Variants in DOCK2 observed in about 807,000 individuals in gnomAD.
DOCK2 encodes dedicator of cytokinesis protein 2.
Under a neutral mutation model 248.9 loss-of-function variants are expected in DOCK2, and 87 were observed. The ratio of observed to expected loss-of-function variants is 0.35; its 90% CI spans 0.29 to 0.42. The LOEUF (loss-of-function observed/expected upper bound fraction) is 0.42, where lower values mean the gene tolerates loss of function less well. Among genes scored for constraint, DOCK2 ranks in the 10% least tolerant of loss-of-function variants. DOCK2 has a pLI of 1.00. For synonymous variants in DOCK2, 805 were observed against 821.6 expected, an observed-to-expected ratio of 0.98 and a Z score of 0.35; for missense variants, 1,747 against 2,300.2, an observed-to-expected ratio of 0.76 and a Z score of 4.92.
intron 22 of DOCK2, among the ~76,000 whole-genome samples, chr5:169,731,358 T>G (rs531927177): frequency 5.9e-5 from 9 of 152,138 alleles, no homozygotes; most frequent in Non-Finnish European, 1.0e-4. Flanking sequence ...AGTGAATGAG[T>G]CTCATGAGAT....
chr5:169,806,639 C>T (rs1767379863), intron 26 of DOCK2, among the ~76,000 whole-genome samples: 1 of 152,192 alleles, frequency 6.6e-6, no homozygotes, highest in African/African-American at 2.4e-5. Flanking sequence ...GCTTATTTTA[C>T]ATAAACTTAC....
At chr5:169,985,743 A>G in intron 28 of DOCK2, 85 bp from the exon 29 acceptor site, 2 of 1,154,318 alleles carry the variant, frequency 1.7e-6, no homozygotes, top group South Asian at 2.1e-5. Flanking sequence ...CCTCCAAAAT[A>G]TAATAGCAAA....
rs1481802907 is a variant in DOCK2 at position 169,897,489 on chromosome 5, A to G, written c.2799+56637A>G. Among the ~76,000 whole-genome samples, 6 of 152,146 alleles carry G rather than the reference A, an allele frequency of 3.9e-5. No homozygotes were observed. In the South Asian group the frequency reaches 1.0e-3, roughly 26 times the overall value. On this transcript the variant is annotated intron_variant, in intron 27 of 51. Transcript: ENST00000520908. The stretch of plus-strand genomic sequence containing the variant: ...CAAGTGTGAGCCACCGTACTCGGCC[A>G]GGAATGTGAGCTCTTTAACCAAGAG...
intron 29 of DOCK2, among the ~76,000 whole-genome samples, chr5:169,993,181 A>C (rs951254980): frequency 6.6e-6 from 1 of 152,256 alleles, no homozygotes; most frequent in African/African-American, 2.4e-5. Flanking sequence ...AGAGAACACA[A>C]AATACAATGT....
At chr5:169,962,405 G>T (rs752570984) in intron 27 of DOCK2, among the ~76,000 whole-genome samples, 1 of 152,198 alleles carries the variant, frequency 6.6e-6, no homozygotes, top group Non-Finnish European at 1.5e-5. Flanking sequence ...CGGAAAGTGG[G>T]GGAGGATGGA....
intron 34 of DOCK2, among the ~76,000 whole-genome samples, chr5:170,032,518 AC>A (rs2113835620): frequency 6.6e-6 from 1 of 152,188 alleles, no homozygotes; most frequent in South Asian, 2.1e-4. Flanking sequence ...CCAAGCTCAG[AC>A]CCCGAGATGT....
chr5:169,848,683 C>T (rs1770460127), intron 27 of DOCK2, among the ~76,000 whole-genome samples: 1 of 152,122 alleles, frequency 6.6e-6, no homozygotes, highest in African/African-American at 2.4e-5. Context: ...TTAAAATAAG[C>T]CTCTGGGTGA....
rs1199485632 is a variant in DOCK2, at chr5:169,810,987, T to TCACA, written c.2703+7782_2703+7783insACAC. On this transcript the variant is annotated intron_variant, in intron 26 of 51. Transcript: ENST00000520908. ...CACACACAGACTCTCTCTCTCTCTC[T>TCACA]CTCACACACACACACACACACACAC... Among the ~76,000 whole-genome samples, 105 of 75,970 alleles carry TCACA rather than the reference T, an allele frequency of 1.4e-3. 1 individual carries two copies. Among genetic ancestry groups the TCACA allele is most frequent in the Admixed American group, 1.7e-3 (11 of 6,542 alleles). The allele number at this position is 75,970 out of a possible 152,430, so 49.8% of individuals were successfully genotyped here.
chr5:169,895,164 CT>C (rs1244755411), intron 27 of DOCK2, among the ~76,000 whole-genome samples: 1 of 152,190 alleles, frequency 6.6e-6, no homozygotes, highest in Non-Finnish European at 1.5e-5. Flanking sequence ...ACCTGATGGG[CT>C]CACGGTGTTT....
In DOCK2 at chr5:169,913,267, A is replaced by G. The variant is rs75479599; in HGVS notation, c.2800-69801A>G. Among the ~76,000 whole-genome samples, 297 of 152,318 alleles carry G rather than the reference A, an allele frequency of 1.9e-3. 6 individuals carry two copies. The East Asian group carries it at 0.054, about 28-fold the overall frequency. On this transcript the variant is annotated intron_variant, in intron 27 of 51. Transcript: ENST00000520908. ...TCGGCTCTACTCATCCCAAGAGTAG[A>G]GATAATCTTTCTCTTTGTACAGAAA...
intron 49 of DOCK2, chr5:170,079,670 C>T (rs944817118): frequency 6.1e-6 from 1 of 163,626 alleles, no homozygotes; most frequent in African/African-American, 2.4e-5. Context: ...TGGTTTCAGA[C>T]AGCCCTGGAT....
intron 25 of DOCK2, among the ~76,000 whole-genome samples, chr5:169,777,415 T>C (rs989512800): frequency 6.6e-6 from 1 of 152,062 alleles, no homozygotes; most frequent in African/African-American, 2.4e-5. Flanking sequence ...CCAAAGTAGA[T>C]TTGCTGAGCA....
intron 27 of DOCK2, among the ~76,000 whole-genome samples, chr5:169,967,433 G>T (rs566331226): frequency 6.6e-6 from 1 of 152,330 alleles, no homozygotes; most frequent in Admixed American, 6.5e-5. Context: ...AATATGATCT[G>T]GATGTGCAGG....
chr5:169,832,242 C>A (rs1280073086), intron 26 of DOCK2, among the ~76,000 whole-genome samples: 1 of 152,236 alleles, frequency 6.6e-6, no homozygotes, highest in African/African-American at 2.4e-5. Context: ...CTTGTGTTAA[C>A]AGCAGTGTCA....
chr5:169,672,037 C>A (rs187654872), intron 5 of DOCK2, among the ~76,000 whole-genome samples: 13 of 151,794 alleles, frequency 8.6e-5, no homozygotes, highest in African/African-American at 3.1e-4. Flanking sequence ...GATGGAGTCT[C>A]GCTCTGTTGC....
rs139178014 is a variant in DOCK2, at chr5:169,840,223, AAG to A, written c.2704-531_2704-530del. Among the ~76,000 whole-genome samples the A allele has an allele frequency of 2.8e-3, 433 of 152,268 alleles. 15 individuals carry two copies. In the East Asian group the frequency reaches 0.067, roughly 23 times the overall value. On this transcript the variant is annotated intron_variant, in intron 26 of 51. Transcript: ENST00000520908. Reference sequence around the variant, plus strand: ...ACGTAGCCAGAGCTGGAGGAAGAGAAAGAGGGGAGAAGTTGCCACACACTTTT... The same window carrying A: ...ACGTAGCCAGAGCTGGAGGAAGAGAAAGGGGAGAAGTTGCCACACACTTTT...
At chr5:169,691,644 T>C (rs1760308694) in intron 9 of DOCK2, among the ~76,000 whole-genome samples, 1 of 152,086 alleles carries the variant, frequency 6.6e-6, no homozygotes. Flanking sequence ...GAGGTGACGT[T>C]TAAATTAGAG....
chr5:169,949,072 G>T (rs537510256), intron 27 of DOCK2, among the ~76,000 whole-genome samples: 1 of 152,174 alleles, frequency 6.6e-6, no homozygotes, highest in South Asian at 2.1e-4. Context: ...ATTATTAAAG[G>T]AAAAGCAGAG....
chr5:170,075,031 T>C (rs1757792826), intron 46 of DOCK2, among the ~76,000 whole-genome samples: 1 of 152,148 alleles, frequency 6.6e-6, no homozygotes, highest in Non-Finnish European at 1.5e-5. Flanking sequence ...TTTATGAATG[T>C]CTCCAAGTTT....
Sources: gnomAD v4.1 joint callset for allele counts (sites outside exome capture counted in the v4.1 genomes callset) on GRCh38, gnomAD v4.1.1 for gene constraint, MANE v1.5 for transcripts, NCBI Gene and HGNC (gene_info 2026-07-23, HGNC 2026-07-21) for gene names.